Variants in VMA21 observed in about 807,000 individuals in gnomAD.
The protein encoded by VMA21 is vacuolar ATPase assembly integral membrane protein VMA21.
For missense variants in VMA21, 61 were observed against 80.6 expected (o/e 0.76, Z 0.93); for synonymous variants, 47 against 34.1 (o/e 1.38, Z -1.32).
chrX:151,397,113 G>C (rs934719179), upstream of VMA21: 7 of 317,632 alleles, frequency 2.2e-5, no homozygotes, highest in African/African-American at 1.8e-4. Context: ...TCGCTGCGGC[G>C]CGCCGCGCCG....
intron 2 of VMA21, among the ~76,000 whole-genome samples, chrX:151,404,495 G>A (rs1028508720): frequency 1.5e-4 from 17 of 112,156 alleles, no homozygotes; most frequent in African/African-American, 4.8e-4. Context: ...CTCGGCTCGC[G>A]TCAAGCTCTG....
In VMA21 at chrX:151,398,990, T is replaced by C. The variant is rs943630263; in HGVS notation, c.53+1629T>C. 2.7e-5 allele frequency among the ~76,000 whole-genome samples: 3 copies of C among 112,833 alleles called. No individual in the cohort carries two copies. In the Admixed American group the frequency reaches 2.8e-4, roughly 11 times the overall value. On this transcript the variant is annotated intron_variant, in intron 1 of 2. Transcript: ENST00000330374. ...TTGAATAGCATCAGTTGCTTTGTCT[T>C]GGATAAGCCACTGATTTTACCCAAG... is the stretch of plus-strand genomic sequence containing the variant.
At chrX:151,396,659 A>C (rs891905948), upstream of VMA21, 7 of 386,568 alleles carry the variant, frequency 1.8e-5, no homozygotes, top group African/African-American at 1.5e-4. Context: ...TGAGTGTTTT[A>C]ACTCCTCCCA....
At position 151,397,210 on chromosome X, in the gene VMA21, C is replaced by T. The variant is rs1001696795; in HGVS notation, c.-99C>T. On this transcript the variant is annotated 5_prime_UTR_variant, in exon 1 of 3. Transcript: ENST00000330374. ...GCACTTCCGGCGCGAACCGCTACTTCCGGTGCGAACCGCCTCGGCCGTTCC... is the reference window on the plus strand; with the variant it reads ...GCACTTCCGGCGCGAACCGCTACTTTCGGTGCGAACCGCCTCGGCCGTTCC... The T allele has an allele frequency of 2.0e-6, 2 of 982,528 alleles. No homozygotes were observed. Among genetic ancestry groups the T allele is most frequent in the Non-Finnish European group, 1.4e-6 (1 of 737,543 alleles). 81.0% of individuals were successfully genotyped at this position (982,528 alleles called of 1,213,427 possible).
In VMA21 at chrX:151,408,698, A is replaced by T. The variant is rs1490700157; in HGVS notation, c.*3640A>T. On this transcript the variant is annotated 3_prime_UTR_variant, in exon 3 of 3. Transcript: ENST00000330374. ...TTTCCCTTTTCAGGGGGAAAGGGTC[A>T]CCTTAAAAATAAATTATTTTCAGGG... The T allele has an allele frequency of 8.9e-6, 1 of 112,659 alleles. No homozygotes were observed. The highest frequency in any genetic ancestry group is 1.9e-5 in the Non-Finnish European group (1 of 53,347). 9.3% of individuals were successfully genotyped at this position (112,659 alleles called of 1,213,427 possible).
upstream of VMA21, chrX:151,397,116 C>G (rs1602814041): frequency 9.3e-6 from 3 of 323,874 alleles, no homozygotes; most frequent in South Asian, 1.2e-4. Context: ...CTGCGGCGCG[C>G]CGCGCCGCGC....
chrX:151,405,272 T>C lies in VMA21; in HGVS notation c.*214T>C, dbSNP rs1602821402. 13 of 309,209 alleles carry C rather than the reference T, an allele frequency of 4.2e-5. No homozygotes were observed. In the East Asian group the frequency reaches 4.5e-4, roughly 11 times the overall value. The allele number at this position is 309,209 out of a possible 1,213,427, so 25.5% of individuals were successfully genotyped here. On this transcript the variant is annotated 3_prime_UTR_variant, in exon 3 of 3. Transcript: ENST00000330374. ...ATTTGCAAATGAGAATTTGGAAAAGTTAGTTACAAAGAAATATGTTAATTT... is the reference window on the plus strand; with the variant it reads ...ATTTGCAAATGAGAATTTGGAAAAGCTAGTTACAAAGAAATATGTTAATTT...
In VMA21 at chrX:151,406,126, G is replaced by A. The variant is rs1006680888; in HGVS notation, c.*1068G>A. On this transcript the variant is annotated 3_prime_UTR_variant, in exon 3 of 3. Transcript: ENST00000330374. ...TATAAAATCATAGTATATGTTCTTTGTAGAAAACTGGAAAAATACATATTC... is the reference window on the plus strand; with the variant it reads ...TATAAAATCATAGTATATGTTCTTTATAGAAAACTGGAAAAATACATATTC... The A allele has an allele frequency of 2.7e-5, 3 of 110,936 alleles. No homozygotes were observed. Among genetic ancestry groups the A allele is most frequent in the Middle Eastern group, 4.7e-3 (1 of 215 alleles). 9.1% of individuals were successfully genotyped at this position (110,936 alleles called of 1,213,427 possible). A position where few individuals can be genotyped will look rare whatever the true frequency, so the allele number is the denominator to read the frequency against.
intron 1 of VMA21, among the ~76,000 whole-genome samples, chrX:151,397,782 C>T (rs1029405976): frequency 3.6e-5 from 4 of 111,767 alleles, no homozygotes; most frequent in East Asian, 5.6e-4. Context: ...GAATAGTCCC[C>T]TGGTGTGAGA....
In VMA21 at chrX:151,407,375, T is replaced by C. The variant is rs1482189238; in HGVS notation, c.*2317T>C. On this transcript the variant is annotated 3_prime_UTR_variant, in exon 3 of 3. Transcript: ENST00000330374. ...TTTAACTGTTAACTCACTAGTTTGC[T>C]GCTGTTTTTAACTATGTTAAATAAC... 1 of 113,230 alleles carries C rather than the reference T, an allele frequency of 8.8e-6. No individual in the cohort carries two copies. Among genetic ancestry groups the C allele is most frequent in the Admixed American group, 9.3e-5 (1 of 10,701 alleles). 9.3% of individuals were successfully genotyped at this position (113,230 alleles called of 1,213,427 possible).
At chrX:151,400,959 G>A (rs537400111) in intron 1 of VMA21, among the ~76,000 whole-genome samples, 1 of 112,055 alleles carries the variant, frequency 8.9e-6, no homozygotes, top group African/African-American at 3.2e-5. Flanking sequence ...TAGGTGGTTC[G>A]CAAATATGTT....
Position 151,403,618 on chromosome X carries a change from T to G in VMA21, c.54-13T>G, listed in dbSNP as rs1409208617. 1 of 1,176,327 alleles carries G rather than the reference T, an allele frequency of 8.5e-7. No individual in the cohort carries two copies. On this transcript the variant is annotated splice_polypyrimidine_tract_variant and intron_variant, in intron 1 of 2. Transcript: ENST00000330374. ...TGCAGGTTCTGATTTTCTCTTTGTTTACTTTATTCCAGAAATGAAAGCTCA... is the reference window on the plus strand; with the variant it reads ...TGCAGGTTCTGATTTTCTCTTTGTTGACTTTATTCCAGAAATGAAAGCTCA...
chrX:151,397,218 A>C lies in VMA21; in HGVS notation c.-91A>C. 1 of 1,036,837 alleles carries C rather than the reference A, an allele frequency of 9.6e-7. No individual in the cohort carries two copies. Among genetic ancestry groups the C allele is most frequent in the Non-Finnish European group, 1.3e-6 (1 of 781,176 alleles). 85.4% of individuals were successfully genotyped at this position (1,036,837 alleles called of 1,213,427 possible). ...GGCGCGAACCGCTACTTCCGGTGCG[A>C]ACCGCCTCGGCCGTTCCCTCGCGGA... On this transcript the variant is annotated 5_prime_UTR_variant, in exon 1 of 3. Transcript: ENST00000330374.
In VMA21 at chrX:151,406,918, G is replaced by A. The variant is rs1292159065; in HGVS notation, c.*1860G>A. On this transcript the variant is annotated 3_prime_UTR_variant, in exon 3 of 3. Coordinates refer to ENST00000330374, the MANE Select transcript of VMA21 (RefSeq NM_001017980.4). ...GTTGAGAAAAGTGAAAGATCAGTAT[G>A]ATTATTATGGAACTGTTTTTAATTC... 8.9e-6 allele frequency: 1 copy of A among 112,248 alleles called. No individual in the cohort carries two copies. The highest frequency in any genetic ancestry group is 1.9e-5 in the Non-Finnish European group (1 of 53,318). 9.3% of individuals were successfully genotyped at this position (112,248 alleles called of 1,213,427 possible).
intron 1 of VMA21, among the ~76,000 whole-genome samples, chrX:151,401,620 G>A (rs898739126): frequency 1.8e-5 from 2 of 112,051 alleles, no homozygotes; most frequent in African/African-American, 3.2e-5. Context: ...CATTTCAACA[G>A]TATTAATTCT....
At chrX:151,397,563 G>A (rs950078075) in intron 1 of VMA21, among the ~76,000 whole-genome samples, 23 of 112,640 alleles carry the variant, frequency 2.0e-4, no homozygotes, top group African/African-American at 7.1e-4. Flanking sequence ...CAAGGGATCC[G>A]GGGTCATGGG....
At chrX:151,400,745 G>A (rs958190951) in intron 1 of VMA21, among the ~76,000 whole-genome samples, 1 of 112,211 alleles carries the variant, frequency 8.9e-6, no homozygotes, top group African/African-American at 3.2e-5. Flanking sequence ...GTCCTTAGAA[G>A]TGTGAGGTTA....
Position 151,397,370 on chromosome X carries a change from G to C in VMA21, c.53+9G>C. 2 of 1,161,180 alleles carry C rather than the reference G, an allele frequency of 1.7e-6. No homozygotes were observed. Among genetic ancestry groups the C allele is most frequent in the South Asian group, 3.8e-5 (2 of 52,664 alleles). On this transcript the variant is annotated intron_variant, in intron 1 of 2. Coordinates refer to ENST00000330374, the MANE Select transcript of VMA21 (RefSeq NM_001017980.4). The stretch of plus-strand genomic sequence containing the variant: ...CAGCCTCCTGAGTTCAGGTAGCCCT[G>C]AGCGGGGCCTGGACCGCGAGGCGGA...
At position 151,407,404 on chromosome X, in the gene VMA21, T is replaced by C. The variant is rs1478832096; in HGVS notation, c.*2346T>C. ...GTTTTTAACTATGTTAAATAACATA[T>C]GGTATTTGGCAAATAGATTTATTTT... On this transcript the variant is annotated 3_prime_UTR_variant, in exon 3 of 3. Transcript: ENST00000330374. The C allele has an allele frequency of 8.8e-6, 1 of 113,133 alleles. No homozygotes were observed. The highest frequency in any genetic ancestry group is 1.9e-5 in the Non-Finnish European group (1 of 53,359). 9.3% of individuals were successfully genotyped at this position (113,133 alleles called of 1,213,427 possible).
Sources: allele counts gnomAD v4.1 joint callset (sites outside exome capture counted in the v4.1 genomes callset), GRCh38; gene constraint gnomAD v4.1.1; transcripts MANE v1.5; gene names NCBI Gene and HGNC (gene_info 2026-07-23, HGNC 2026-07-21).